DIAPH3: variants seen among roughly 807,000 people sequenced by gnomAD.
DIAPH3 encodes protein diaphanous homolog 3.
DIAPH3 carries 117 observed loss-of-function variants against 144.3 expected under a neutral mutation model. The ratio of observed to expected loss-of-function variants is 0.81; its 90% CI spans 0.70 to 0.95. DIAPH3 has a LOEUF of 0.95. DIAPH3 is among the 40% of genes least tolerant of loss of function. The pLI, the probability that DIAPH3 is intolerant of heterozygous loss-of-function variation, is 0.00. For missense variants in DIAPH3, 1,421 were observed against 1,412.7 expected (o/e 1.01, Z -0.09); for synonymous variants, 519 against 488.9 (o/e 1.06, Z -0.81).
At chr13:60,077,338 T>C (rs1189248821) in intron 4 of DIAPH3, among the ~76,000 whole-genome samples, 1 of 152,080 alleles carries the variant, frequency 6.6e-6, no homozygotes, top group Non-Finnish European at 1.5e-5. Flanking sequence ...AAGTATACTT[T>C]AGGAGAGATA....
intron 2 of DIAPH3, among the ~76,000 whole-genome samples, chr13:60,116,503 G>A (rs1250362868): frequency 6.6e-6 from 1 of 151,842 alleles, no homozygotes; most frequent in Admixed American, 6.6e-5. Flanking sequence ...TATCTCCCAA[G>A]TCACTACTTC....
chr13:59,757,562 G>A (rs527919133), intron 27 of DIAPH3, among the ~76,000 whole-genome samples: 10 of 151,776 alleles, frequency 6.6e-5, no homozygotes, highest in Admixed American at 2.0e-4. Context: ...CACCACGCCC[G>A]GCTAATTTTT....
At chr13:60,162,809 T>TCACACACACACACA (rs35687460) in intron 1 of DIAPH3, among the ~76,000 whole-genome samples, 2 of 122,424 alleles carry the variant, frequency 1.6e-5, no homozygotes, top group Admixed American at 1.7e-4. Context: ...TCTCTCTCTC[T>TCACACACACACACA]CACACACACA....
At chr13:59,936,760 C>T (rs2104328) in intron 17 of DIAPH3, among the ~76,000 whole-genome samples, 97,045 of 152,024 alleles carry the variant, frequency 0.64, 31,876 homozygotes, top group African/African-American at 0.73. Context: ...TTTTTATGTG[C>T]CCTCAAAATC....
At chr13:60,085,053 T>A (rs949136440) in intron 4 of DIAPH3, among the ~76,000 whole-genome samples, 6 of 152,162 alleles carry the variant, frequency 3.9e-5, no homozygotes, top group African/African-American at 1.4e-4. Flanking sequence ...TTAAGTTTAA[T>A]GCCACCAACT....
At chr13:59,908,453 A>T (rs2046843798) in intron 20 of DIAPH3, among the ~76,000 whole-genome samples, 1 of 151,466 alleles carries the variant, frequency 6.6e-6, no homozygotes, top group South Asian at 2.1e-4. Context: ...CTTAATTGAC[A>T]TTGGTTACTA....
intron 19 of DIAPH3, among the ~76,000 whole-genome samples, chr13:59,915,367 T>C (rs2047177706): frequency 6.6e-6 from 1 of 152,098 alleles, no homozygotes; most frequent in Non-Finnish European, 1.5e-5. Flanking sequence ...TCCAAAGATA[T>C]CATTTATTGA....
intron 2 of DIAPH3, among the ~76,000 whole-genome samples, chr13:60,114,026 A>C (rs1379354420): frequency 6.6e-6 from 1 of 152,210 alleles, no homozygotes; most frequent in East Asian, 1.9e-4. Context: ...TAGGCAAAAG[A>C]CTGGAGAGAA....
intron 24 of DIAPH3, among the ~76,000 whole-genome samples, chr13:59,824,196 T>G (rs995772722): frequency 6.6e-6 from 1 of 152,180 alleles, no homozygotes; most frequent in African/African-American, 2.4e-5. Flanking sequence ...TCAATCCTAT[T>G]ATAATGAGAT....
rs563367061 is a variant in DIAPH3 at position 59,846,024 on chromosome 13, T to C, written c.2738-6576A>G. Among the ~76,000 whole-genome samples the C allele has an allele frequency of 1.7e-4, 26 of 152,244 alleles. 1 individual carries two copies. In the South Asian group the frequency reaches 5.4e-3, roughly 32 times the overall value. Reference sequence around the variant, plus strand: ...AGATTAAATATCCCAGACATTAAAATCAAAGACACAGGCTTTCCTCCAAGT... The same window carrying C: ...AGATTAAATATCCCAGACATTAAAACCAAAGACACAGGCTTTCCTCCAAGT... On this transcript the variant is annotated intron_variant, in intron 22 of 27. Transcript: ENST00000400324.
chr13:59,712,609 A>T (rs1041638660), intron 27 of DIAPH3, among the ~76,000 whole-genome samples: 1 of 152,200 alleles, frequency 6.6e-6, no homozygotes, highest in Non-Finnish European at 1.5e-5. Flanking sequence ...GCTCAGATTT[A>T]TTCAGCTCTC....
intron 20 of DIAPH3, among the ~76,000 whole-genome samples, chr13:59,898,979 T>G (rs1432337081): frequency 2.6e-5 from 4 of 152,188 alleles, no homozygotes; most frequent in Non-Finnish European, 4.4e-5. Flanking sequence ...CAGAGGAACA[T>G]GGAAGGACTA....
chr13:59,869,306 A>C lies in DIAPH3; in HGVS notation c.2608-7770T>G, dbSNP rs147594668. 6.5e-4 allele frequency among the ~76,000 whole-genome samples: 99 copies of C among 152,282 alleles called. 4 individuals are homozygous for C. The East Asian group carries it at 0.016, about 25-fold the overall frequency. ...AATTCCTTAATGACATCTGCTGCTG[A>C]CTATTATAGGGACAGAAAAATTACA... On this transcript the variant is annotated intron_variant, in intron 21 of 27. Coordinates refer to ENST00000400324, the MANE Select transcript of DIAPH3 (RefSeq NM_001042517.2).
At chr13:59,884,866 T>C (rs2045333386) in intron 20 of DIAPH3, among the ~76,000 whole-genome samples, 1 of 151,680 alleles carries the variant, frequency 6.6e-6, no homozygotes, top group Non-Finnish European at 1.5e-5. Flanking sequence ...AAATGTACTC[T>C]TACGATATTA....
At chr13:59,971,220 G>T in intron 15 of DIAPH3, 60 bp from the exon 16 acceptor site, 1 of 1,475,796 alleles carries the variant, frequency 6.8e-7, no homozygotes, top group Non-Finnish European at 9.1e-7. Context: ...ATGTAAATAT[G>T]CACTTTACTC....
At chr13:59,781,526 G>A (rs1222830503) in intron 25 of DIAPH3, among the ~76,000 whole-genome samples, 1 of 152,188 alleles carries the variant, frequency 6.6e-6, no homozygotes, top group Non-Finnish European at 1.5e-5. Flanking sequence ...CCCAGTCTCA[G>A]AGCAGCCAGT....
chr13:59,692,583 C>T (rs1376445029), intron 27 of DIAPH3, among the ~76,000 whole-genome samples: 2 of 152,024 alleles, frequency 1.3e-5, no homozygotes, highest in African/African-American at 2.4e-5. Flanking sequence ...CTTAGGTTTC[C>T]TTTTAATGAC....
intron 18 of DIAPH3, among the ~76,000 whole-genome samples, chr13:59,917,689 G>A (rs1458121402): frequency 2.6e-5 from 4 of 151,830 alleles, no homozygotes; most frequent in East Asian, 3.9e-4. Flanking sequence ...AGCAGATCGA[G>A]ATCATCTTAA....
intron 27 of DIAPH3, among the ~76,000 whole-genome samples, chr13:59,770,677 T>C (rs1233979647): frequency 6.6e-6 from 1 of 152,168 alleles, no homozygotes; most frequent in Non-Finnish European, 1.5e-5. Flanking sequence ...TTTCAGATCC[T>C]TTCTGGAAGC....
Sources: gnomAD v4.1 joint callset for allele counts (sites outside exome capture counted in the v4.1 genomes callset) on GRCh38, gnomAD v4.1.1 for gene constraint, MANE v1.5 for transcripts, NCBI Gene and HGNC (gene_info 2026-07-23, HGNC 2026-07-21) for gene names.